ZRANB3: variants seen among roughly 807,000 people sequenced by gnomAD.
The protein encoded by ZRANB3 is zinc finger RANBP2-type containing 3, also known as DNA annealing helicase and endonuclease ZRANB3.
Under a neutral mutation model 133.8 loss-of-function variants are expected in ZRANB3, and 125 were observed. That is an observed-to-expected ratio of 0.93 (90% CI 0.81 to 1.08). The LOEUF (loss-of-function observed/expected upper bound fraction) is 1.08. ZRANB3 is among the 50% of genes least tolerant of loss of function. ZRANB3 has a pLI of 0.00. For missense variants in ZRANB3, 1,229 were observed against 1,275.5 expected (o/e 0.96, Z 0.56); for synonymous variants, 387 against 432.7 (o/e 0.89, Z 1.31).
chr2:135,291,063 T>C (rs1015040207), intron 8 of ZRANB3, among the ~76,000 whole-genome samples: 2 of 152,156 alleles, frequency 1.3e-5, no homozygotes, highest in Non-Finnish European at 2.9e-5. Context: ...GGTTTCACCA[T>C]GCTGGCCAGG....
chr2:135,368,633 G>A (rs1264865002), intron 3 of ZRANB3, among the ~76,000 whole-genome samples: 1 of 151,958 alleles, frequency 6.6e-6, no homozygotes, highest in Non-Finnish European at 1.5e-5. Context: ...ATAACTACGA[G>A]TATAATTGGA....
intron 2 of ZRANB3, among the ~76,000 whole-genome samples, chr2:135,437,639 C>G (rs1296779592): frequency 1.3e-5 from 2 of 152,112 alleles, no homozygotes; most frequent in African/African-American, 2.4e-5. Flanking sequence ...TTTAAAAAAT[C>G]AAGAAGAGAC....
At chr2:135,511,466 T>C in intron 1 of ZRANB3, 2 of 848,986 alleles carry the variant, frequency 2.4e-6, no homozygotes, top group Non-Finnish European at 4.1e-6. Context: ...GTGTTTGCTG[T>C]CTTTTCTTCA....
chr2:135,418,925 C>CTTTTTTTTTTTTTTTTTTTTTTTTTT (rs769271961), intron 2 of ZRANB3, among the ~76,000 whole-genome samples: 6 of 85,898 alleles, frequency 7.0e-5, no homozygotes, highest in African/African-American at 2.3e-4. Flanking sequence ...AGGATTCTCT[C>CTTTTTTTTTTTTTTTTTTTTTTTTTT]TTTTTTTTTT....
intron 12 of ZRANB3, among the ~76,000 whole-genome samples, chr2:135,258,923 G>A (rs922486915): frequency 2.3e-4 from 35 of 152,108 alleles, no homozygotes; most frequent in Non-Finnish European, 1.5e-4. Flanking sequence ...TTTATTTTTT[G>A]TATATACGAG....
intron 2 of ZRANB3, among the ~76,000 whole-genome samples, chr2:135,483,977 G>T (rs1006951615): frequency 2.0e-5 from 3 of 152,106 alleles, no homozygotes; most frequent in East Asian, 1.9e-4. Context: ...GTCTGAGAGA[G>T]AGTTTGTTAT....
intron 3 of ZRANB3, among the ~76,000 whole-genome samples, chr2:135,364,878 G>T (rs1197232987): frequency 1.3e-5 from 2 of 151,830 alleles, no homozygotes; most frequent in Non-Finnish European, 2.9e-5. Context: ...GTGAAACCCC[G>T]TCTCTACTAA....
intron 3 of ZRANB3, among the ~76,000 whole-genome samples, chr2:135,356,093 G>T (rs1685420034): frequency 6.6e-6 from 1 of 151,752 alleles, no homozygotes; most frequent in Non-Finnish European, 1.5e-5. Context: ...TCCTCATCTT[G>T]TCTACTGAGA....
intron 2 of ZRANB3, among the ~76,000 whole-genome samples, chr2:135,473,409 C>T (rs1353945546): frequency 6.6e-6 from 1 of 152,120 alleles, no homozygotes; most frequent in Non-Finnish European, 1.5e-5. Context: ...CATTGATATA[C>T]TAACCAATTT....
At chr2:135,457,183 T>C (rs1371653314) in intron 2 of ZRANB3, among the ~76,000 whole-genome samples, 4 of 152,216 alleles carry the variant, frequency 2.6e-5, no homozygotes, top group African/African-American at 7.2e-5. Context: ...GTCCATTTTA[T>C]GGATTCAGCA....
intron 8 of ZRANB3, among the ~76,000 whole-genome samples, chr2:135,287,605 T>C (rs1407314980): frequency 6.6e-6 from 1 of 152,046 alleles, no homozygotes; most frequent in Non-Finnish European, 1.5e-5. Flanking sequence ...GTGATTTCCT[T>C]CAGCAGTGTT....
chr2:135,232,376 C>G (rs1332734562), intron 12 of ZRANB3, among the ~76,000 whole-genome samples: 1 of 152,198 alleles, frequency 6.6e-6, no homozygotes, highest in Non-Finnish European at 1.5e-5. Context: ...GGGCAGGGCA[C>G]AGCCAAACAA....
At chr2:135,327,718 A>G (rs1461054308) in intron 6 of ZRANB3, among the ~76,000 whole-genome samples, 1 of 152,200 alleles carries the variant, frequency 6.6e-6, no homozygotes, top group Non-Finnish European at 1.5e-5. Context: ...TAACCTTTCC[A>G]AATACAGCTT....
At position 135,219,081 on chromosome 2, in the gene ZRANB3, G is replaced by C. The variant is rs772003075; in HGVS notation, c.2348C>G (p.Ser783Ter). The change falls in exon 16 of 21, where the codon TCA becomes TGA. Residue 783 changes from serine to a stop codon, truncating the protein, a stop_gained. Transcript: ENST00000264159. LOFTEE classifies it high-confidence loss of function. ...PASFQLKQYR[S>*]LILRFVREWS... is the part of the protein sequence containing the mutation. ...TTTATTTAAAACTATTCTTACCAGT[G>C]AGCGATATTGTTTCAGCTGAAAGCT... is the stretch of plus-strand genomic sequence containing the variant. The C allele has an allele frequency of 6.7e-7, 1 of 1,489,134 alleles. No individual in the cohort carries two copies. The allele number at this position is 1,489,134 out of a possible 1,614,324, so 92.2% of individuals were successfully genotyped here.
At chr2:135,419,606 A>T (rs1688746401) in intron 2 of ZRANB3, among the ~76,000 whole-genome samples, 1 of 152,082 alleles carries the variant, frequency 6.6e-6, no homozygotes, top group African/African-American at 2.4e-5. Context: ...CTAAACGAGA[A>T]ATTGTTTTGA....
intron 2 of ZRANB3, among the ~76,000 whole-genome samples, chr2:135,456,361 CT>C (rs1386045433): frequency 6.6e-6 from 1 of 152,158 alleles, no homozygotes; most frequent in East Asian, 1.9e-4. Flanking sequence ...TGGGAAGTGT[CT>C]TCTGCTAATA....
chr2:135,303,195 G>A (rs1021950193), intron 8 of ZRANB3, among the ~76,000 whole-genome samples: 15 of 151,784 alleles, frequency 9.9e-5, no homozygotes, highest in African/African-American at 1.9e-4. Context: ...TTCATACTAC[G>A]TATATATATA....
At chr2:135,501,232 C>A (rs1008224326) in intron 2 of ZRANB3, among the ~76,000 whole-genome samples, 1 of 151,986 alleles carries the variant, frequency 6.6e-6, no homozygotes, top group South Asian at 2.1e-4. Context: ...AAGAATAATT[C>A]AATGAGTGTA....
chr2:135,383,913 C>T (rs1261108943), intron 3 of ZRANB3, among the ~76,000 whole-genome samples: 1 of 152,068 alleles, frequency 6.6e-6, no homozygotes, highest in Non-Finnish European at 1.5e-5. Context: ...AATTGACACC[C>T]TGACAACACA....
Sources: gnomAD v4.1 joint callset for allele counts (sites outside exome capture counted in the v4.1 genomes callset) on GRCh38, gnomAD v4.1.1 for gene constraint, MANE v1.5 for transcripts, NCBI Gene and HGNC (gene_info 2026-07-23, HGNC 2026-07-21) for gene names.